The following CRYBG1 variants were observed in gnomAD, a reference collection of about 807,000 sequenced individuals.
CRYBG1 encodes beta/gamma crystallin domain-containing protein 1.
CRYBG1 carries 139 observed loss-of-function variants against 189.2 expected under a neutral mutation model. That is an observed-to-expected ratio of 0.73 (90% CI 0.64 to 0.85). The LOEUF (loss-of-function observed/expected upper bound fraction) is 0.85. CRYBG1 is among the 40% of genes least tolerant of loss of function. The pLI is 0.00. For missense variants in CRYBG1, 2,611 were observed against 2,675.8 expected (o/e 0.98, Z 0.53); for synonymous variants, 1,023 against 1,017.1 (o/e 1.01, Z -0.11).
At chr6:106,377,640 T>G (rs1358557232) in intron 1 of CRYBG1, among the ~76,000 whole-genome samples, 1 of 148,340 alleles carries the variant, frequency 6.7e-6, no homozygotes, top group African/African-American at 2.5e-5. Flanking sequence ...TATATATATA[T>G]ATATATATTT....
chr6:106,545,703 G>C (rs1297805676), intron 13 of CRYBG1, among the ~76,000 whole-genome samples: 1 of 151,320 alleles, frequency 6.6e-6, no homozygotes, highest in East Asian at 1.9e-4. Flanking sequence ...TTTTGAGGCA[G>C]AGTTTCACTC....
In CRYBG1 at chr6:106,569,742, C is replaced by G. The variant is rs1775001287; in HGVS notation, c.*1176C>G. On this transcript the variant is annotated 3_prime_UTR_variant, in exon 22 of 22. Transcript: ENST00000633556. ...GTCCTCCTATCCACCTGCATCCACA[C>G]ATGGCCTGCATGGGGCTGCCTTCCC... 6.6e-6 allele frequency: 1 copy of G among 152,264 alleles called. No homozygotes were observed. The highest frequency in any genetic ancestry group is 2.1e-4 in the South Asian group (1 of 4,830). 9.4% of individuals were successfully genotyped at this position (152,264 alleles called of 1,614,324 possible). A position where few individuals can be genotyped will look rare whatever the true frequency, so the allele number is the denominator to read the frequency against.
At chr6:106,394,408 A>T (rs1562295055) in intron 1 of CRYBG1, among the ~76,000 whole-genome samples, 1 of 152,190 alleles carries the variant, frequency 6.6e-6, no homozygotes, top group Non-Finnish European at 1.5e-5. Flanking sequence ...CGTTTATCAC[A>T]TATACTTGAG....
chr6:106,492,900 T>A (rs755197444), intron 2 of CRYBG1, among the ~76,000 whole-genome samples: 1 of 152,104 alleles, frequency 6.6e-6, no homozygotes, highest in Non-Finnish European at 1.5e-5. Flanking sequence ...GAGTGTGACA[T>A]TCTGTAAATA....
intron 1 of CRYBG1, among the ~76,000 whole-genome samples, chr6:106,450,358 G>A (rs1771759295): frequency 6.6e-6 from 1 of 151,744 alleles, no homozygotes; most frequent in African/African-American, 2.4e-5. Flanking sequence ...TTATATCCTT[G>A]CAACATTGTA....
intron 13 of CRYBG1, among the ~76,000 whole-genome samples, chr6:106,545,687 CT>C (rs11436461): frequency 6.6e-6 from 1 of 150,538 alleles, no homozygotes; most frequent in African/African-American, 2.4e-5. Context: ...TCTCCTAACT[CT>C]TTTTTTTTGA....
chr6:106,430,814 G>A (rs1400586344), intron 1 of CRYBG1, among the ~76,000 whole-genome samples: 2 of 152,124 alleles, frequency 1.3e-5, no homozygotes, highest in Non-Finnish European at 2.9e-5. Flanking sequence ...GCTTCAACAT[G>A]AAGAGCAGCA....
rs74989166 is a variant in CRYBG1, at chr6:106,492,472, C to A, written c.313-18958C>A. On this transcript the variant is annotated intron_variant, in intron 2 of 21. Coordinates refer to ENST00000633556, the MANE Select transcript of CRYBG1 (RefSeq NM_001371242.2). ...GTTTTATCTGCTATTAGCCATAATA[C>A]TTCTGAAGAAAGGAAGGAAGTGGGA... Among the ~76,000 whole-genome samples the A allele has an allele frequency of 0.011, 1,700 of 149,968 alleles. 128 individuals carry two copies. In the East Asian group the frequency reaches 0.21, roughly 19 times the overall value.
At chr6:106,517,968 C>A (rs1418425798) in intron 3 of CRYBG1, among the ~76,000 whole-genome samples, 2 of 152,112 alleles carry the variant, frequency 1.3e-5, no homozygotes. Flanking sequence ...GAAGTGGTGA[C>A]AAAACCAACA....
Position 106,520,008 on chromosome 6 carries a change from C to T in CRYBG1, c.2800C>T (p.Pro934Ser). The T allele has an allele frequency of 6.2e-7, 1 of 1,614,084 alleles. No individual in the cohort carries two copies. The highest frequency in any genetic ancestry group is 1.1e-5 in the South Asian group (1 of 91,074). The change falls in exon 4 of 22, where the codon CCT becomes TCT. Residue 934 changes from proline (P) to serine (S), a missense_variant. Physicochemically the swap from Pro to Ser is moderately conservative, Grantham distance 74 (BLOSUM62 -1). Coordinates refer to ENST00000633556, the MANE Select transcript of CRYBG1 (RefSeq NM_001371242.2). ...PLLELGGETT[P>S]PLSTERSPEA... The stretch of plus-strand genomic sequence containing the variant: ...TTTAGAACTTGGAGGAGAAACAACC[C>T]CTCCTTTGTCCACAGAGCGTAGTCC...
chr6:106,430,564 G>T (rs891094310), intron 1 of CRYBG1, among the ~76,000 whole-genome samples: 2 of 152,182 alleles, frequency 1.3e-5, no homozygotes, highest in African/African-American at 4.8e-5. Context: ...ACTTTCTGAG[G>T]TGGGAACGTG....
At chr6:106,504,749 T>G (rs1165373607) in intron 2 of CRYBG1, among the ~76,000 whole-genome samples, 1 of 152,046 alleles carries the variant, frequency 6.6e-6, no homozygotes, top group Non-Finnish European at 1.5e-5. Context: ...GTGGGGAGGA[T>G]AGTTAATTTA....
At chr6:106,363,664 C>T (rs1257490916) in intron 1 of CRYBG1, among the ~76,000 whole-genome samples, 3 of 152,054 alleles carry the variant, frequency 2.0e-5, no homozygotes, top group South Asian at 4.1e-4. Context: ...CAGGTAGCCA[C>T]CCATATTTGC....
At chr6:106,546,697 G>A (rs552589605) in intron 13 of CRYBG1, among the ~76,000 whole-genome samples, 1 of 152,336 alleles carries the variant, frequency 6.6e-6, no homozygotes, top group African/African-American at 2.4e-5. Context: ...TCAGTAGCCT[G>A]TTTGCAAAAG....
At chr6:106,409,231 G>A (rs1770879958) in intron 1 of CRYBG1, among the ~76,000 whole-genome samples, 1 of 152,146 alleles carries the variant, frequency 6.6e-6, no homozygotes, top group South Asian at 2.1e-4. Flanking sequence ...ACCAATAGTA[G>A]ACAAACAGAG....
At chr6:106,511,369 C>T in intron 2 of CRYBG1, 61 bp from the exon 3 acceptor site, 4 of 1,398,676 alleles carry the variant, frequency 2.9e-6, no homozygotes, top group Non-Finnish European at 3.8e-6. Flanking sequence ...CTGTAATGTA[C>T]GTCTAAGGGG....
rs571709688 is a variant in CRYBG1 at position 106,435,886 on chromosome 6, A to C, written c.174-15808A>C. On this transcript the variant is annotated intron_variant, in intron 1 of 21. Coordinates refer to ENST00000633556, the MANE Select transcript of CRYBG1 (RefSeq NM_001371242.2). Reference sequence around the variant, plus strand: ...CCAGCCCTTGCAAATTTTAAAAACAAATCGTGTCTTGGAAACCATCCAAGA... The same window carrying C: ...CCAGCCCTTGCAAATTTTAAAAACACATCGTGTCTTGGAAACCATCCAAGA... Among the ~76,000 whole-genome samples, 10 of 152,302 alleles carry C rather than the reference A, an allele frequency of 6.6e-5. No homozygotes were observed. In the South Asian group the frequency reaches 2.1e-3, roughly 32 times the overall value.
chr6:106,394,836 G>T (rs529672251), intron 1 of CRYBG1, among the ~76,000 whole-genome samples: 1 of 150,464 alleles, frequency 6.6e-6, no homozygotes, highest in South Asian at 2.1e-4. Flanking sequence ...TTTAACAATA[G>T]TGTGTTAAAT....
intron 2 of CRYBG1, among the ~76,000 whole-genome samples, chr6:106,491,048 A>G (rs1301173186): frequency 6.6e-6 from 1 of 152,258 alleles, no homozygotes; most frequent in African/African-American, 2.4e-5. Flanking sequence ...TAAAAACAAA[A>G]CTACAGGCTT....
Sources: gnomAD v4.1 joint callset for allele counts (sites outside exome capture counted in the v4.1 genomes callset) on GRCh38, gnomAD v4.1.1 for gene constraint, MANE v1.5 for transcripts, NCBI Gene and HGNC (gene_info 2026-07-23, HGNC 2026-07-21) for gene names.